The following TAF1B variants were observed in gnomAD, a reference collection of about 807,000 sequenced individuals.
TAF1B encodes the protein TATA box-binding protein-associated factor RNA polymerase I subunit B.
Under a neutral mutation model 83.9 loss-of-function variants are expected in TAF1B, and 61 were observed. The observed-to-expected ratio is 0.73, with a 90% CI of 0.59 to 0.90. TAF1B has a LOEUF of 0.90. TAF1B is among the 40% of genes least tolerant of loss of function. The pLI is 0.00. For missense variants in TAF1B, 625 were observed against 677.0 expected, an observed-to-expected ratio of 0.92 and a Z score of 0.85; for synonymous variants, 221 against 224.6, an observed-to-expected ratio of 0.98 and a Z score of 0.14.
chr2:9,866,800 G>C (rs1663992454), intron 5 of TAF1B, among the ~76,000 whole-genome samples: 1 of 152,150 alleles, frequency 6.6e-6, no homozygotes, highest in South Asian at 2.1e-4. Flanking sequence ...CATGGGTGAA[G>C]CTGGAAACCA....
At chr2:9,859,050 C>T (rs191245638) in intron 5 of TAF1B, among the ~76,000 whole-genome samples, 5 of 152,164 alleles carry the variant, frequency 3.3e-5, no homozygotes, top group Admixed American at 6.5e-5. Flanking sequence ...TTTACCTTGT[C>T]GTCCTGCTGG....
intron 2 of TAF1B, chr2:9,845,831 C>T (rs1663189317): frequency 3.5e-6 from 1 of 281,818 alleles, no homozygotes; most frequent in Non-Finnish European, 7.0e-6. Flanking sequence ...AAAAATACAA[C>T]AATTAGCCAG....
At chr2:9,871,843 C>T (rs388570) in intron 6 of TAF1B, among the ~76,000 whole-genome samples, 32,979 of 151,880 alleles carry the variant, frequency 0.22, 4,184 homozygotes, top group Non-Finnish European at 0.29. Context: ...AGAAGAAGAC[C>T]GGAGGGGAAT....
intron 5 of TAF1B, among the ~76,000 whole-genome samples, chr2:9,859,680 C>A (rs1663688984): frequency 1.3e-5 from 2 of 152,214 alleles, no homozygotes; most frequent in Admixed American, 1.3e-4. Context: ...GCCATCGCAC[C>A]TGGCCGCTAA....
chr2:9,911,041 C>T (rs1665517661), intron 10 of TAF1B, 128 bp downstream of exon 10: 2 of 749,090 alleles, frequency 2.7e-6, no homozygotes, highest in African/African-American at 3.5e-5. Flanking sequence ...CTGTATTTAC[C>T]TAATTATATG....
intron 8 of TAF1B, among the ~76,000 whole-genome samples, chr2:9,884,560 A>G (rs396281): frequency 0.28 from 42,445 of 152,178 alleles, 6,913 homozygotes; most frequent in Middle Eastern, 0.4. Flanking sequence ...CAGCCAGGGT[A>G]TCCTGATGAG....
intron 5 of TAF1B, among the ~76,000 whole-genome samples, chr2:9,860,312 A>T (rs1663709887): frequency 6.6e-6 from 1 of 152,234 alleles, no homozygotes; most frequent in African/African-American, 2.4e-5. Context: ...CCGGAGACAT[A>T]AATTTCGAAG....
At chr2:9,889,218 A>G (rs1168320894) in intron 8 of TAF1B, among the ~76,000 whole-genome samples, 1 of 151,962 alleles carries the variant, frequency 6.6e-6, no homozygotes, top group East Asian at 1.9e-4. Context: ...TTTTTCTGGG[A>G]TACTAATTAC....
At chr2:9,865,862 C>T (rs1663956015) in intron 5 of TAF1B, among the ~76,000 whole-genome samples, 1 of 150,606 alleles carries the variant, frequency 6.6e-6, no homozygotes, top group Non-Finnish European at 1.5e-5. Context: ...ATAAATGGTG[C>T]TGGGAAAACT....
At chr2:9,930,928 T>A (rs1666190833) in intron 14 of TAF1B, among the ~76,000 whole-genome samples, 1 of 152,244 alleles carries the variant, frequency 6.6e-6, no homozygotes, top group South Asian at 2.1e-4. Context: ...TGTAATGGCC[T>A]TCTTTATTTC....
At chr2:9,869,859 A>C (rs1053367377) in intron 6 of TAF1B, among the ~76,000 whole-genome samples, 3 of 151,974 alleles carry the variant, frequency 2.0e-5, no homozygotes, top group Admixed American at 2.0e-4. Context: ...GTGACAGAGC[A>C]AGACTCCATC....
chr2:9,888,698 G>T (rs1664752735), intron 8 of TAF1B, among the ~76,000 whole-genome samples: 1 of 145,246 alleles, frequency 6.9e-6, no homozygotes, highest in South Asian at 2.2e-4. Flanking sequence ...TTTTCCTTTA[G>T]CTGCTTTTTA....
intron 9 of TAF1B, among the ~76,000 whole-genome samples, chr2:9,910,515 T>C (rs1665488846): frequency 6.6e-6 from 1 of 152,148 alleles, no homozygotes; most frequent in South Asian, 2.1e-4. Context: ...CTAGAAATAG[T>C]AGATGTTTTA....
At chr2:9,875,109 C>A (rs1300327209) in intron 6 of TAF1B, among the ~76,000 whole-genome samples, 1 of 151,916 alleles carries the variant, frequency 6.6e-6, no homozygotes, top group Non-Finnish European at 1.5e-5. Context: ...TTACAGGCGT[C>A]CACCACTACA....
At chr2:9,886,673 A>AAG (rs150245056) in intron 8 of TAF1B, among the ~76,000 whole-genome samples, 2 of 151,930 alleles carry the variant, frequency 1.3e-5, no homozygotes, top group African/African-American at 4.8e-5. Flanking sequence ...AGGGGACTGC[A>AAG]AGAGAGAGAG....
At chr2:9,856,377 TTAAA>T (rs568772625) in intron 5 of TAF1B, among the ~76,000 whole-genome samples, 49 of 151,846 alleles carry the variant, frequency 3.2e-4, no homozygotes, top group Non-Finnish European at 6.6e-4. Flanking sequence ...GATAATGAAT[TTAAA>T]TAAACTCAAG....
intron 8 of TAF1B, among the ~76,000 whole-genome samples, chr2:9,883,622 T>G (rs979430105): frequency 2.6e-5 from 4 of 152,230 alleles, no homozygotes; most frequent in East Asian, 1.9e-4. Context: ...AGTTTCAGCA[T>G]TTCATGTTAT....
Position 9,913,113 on chromosome 2 carries a change from T to C in TAF1B, c.1181-46T>C, listed in dbSNP as rs750007880. On this transcript the variant is annotated intron_variant, in intron 11 of 14. Transcript: ENST00000263663. ...CTCAGATGAACAATGTATATTATTA[T>C]AGTGTGGTTTATTTGGTTAATAATC... 9 of 1,448,384 alleles carry C rather than the reference T, an allele frequency of 6.2e-6. No individual in the cohort carries two copies. The African/African-American group carries it at 1.1e-4, about 18-fold the overall frequency. The allele number at this position is 1,448,384 out of a possible 1,614,324, so 89.7% of individuals were successfully genotyped here. A position where few individuals can be genotyped will look rare whatever the true frequency, so the allele number is the denominator to read the frequency against.
intron 5 of TAF1B, among the ~76,000 whole-genome samples, chr2:9,864,916 A>G (rs1018949257): frequency 5.3e-5 from 8 of 152,224 alleles, no homozygotes; most frequent in African/African-American, 1.9e-4. Context: ...CTCTCAATAA[A>G]TTAGGTATTG....
Sources: allele counts gnomAD v4.1 joint callset (sites outside exome capture counted in the v4.1 genomes callset), GRCh38; gene constraint gnomAD v4.1.1; transcripts MANE v1.5; gene names NCBI Gene and HGNC (gene_info 2026-07-23, HGNC 2026-07-21).